The following OSBPL8 variants were observed in gnomAD, a reference collection of about 807,000 sequenced individuals.
OSBPL8 encodes the protein oxysterol-binding protein-related protein 8.
In OSBPL8, 59 loss-of-function variants were observed where a neutral mutation model predicts 125.5. That is an observed-to-expected ratio of 0.47 (90% CI 0.38 to 0.58). OSBPL8 has a LOEUF of 0.58. Ranked by LOEUF, OSBPL8 falls within the 20% of genes least tolerant of loss-of-function variation. The pLI is 0.00. For synonymous variants in OSBPL8, 330 were observed against 338.9 expected (o/e 0.97, Z 0.29); for missense variants, 758 against 1,047.8 (o/e 0.72, Z 3.82).
At chr12:76,448,171 C>T (rs138621065) in intron 4 of OSBPL8, among the ~76,000 whole-genome samples, 47 of 152,182 alleles carry the variant, frequency 3.1e-4, no homozygotes, top group African/African-American at 9.9e-4. Context: ...TAAATATTCA[C>T]GCTGTACCCT....
chr12:76,370,295 G>A (rs929461056), intron 19 of OSBPL8, among the ~76,000 whole-genome samples: 7 of 152,002 alleles, frequency 4.6e-5, no homozygotes, highest in African/African-American at 1.5e-4. Flanking sequence ...GGGGTCAGGC[G>A]CAAGTATTGA....
At chr12:76,376,935 C>T (rs1952841052) in intron 16 of OSBPL8, among the ~76,000 whole-genome samples, 1 of 152,178 alleles carries the variant, frequency 6.6e-6, no homozygotes, top group African/African-American at 2.4e-5. Context: ...TGCCCCCCAC[C>T]TCCCAATAGG....
At chr12:76,441,020 C>T (rs763046393) in intron 4 of OSBPL8, among the ~76,000 whole-genome samples, 4 of 152,126 alleles carry the variant, frequency 2.6e-5, no homozygotes, top group African/African-American at 4.8e-5. Flanking sequence ...TACTTTGCTA[C>T]GTTACTGGAA....
intron 1 of OSBPL8, among the ~76,000 whole-genome samples, chr12:76,532,054 A>C (rs1224492365): frequency 6.6e-6 from 1 of 151,466 alleles, no homozygotes; most frequent in East Asian, 1.9e-4. Context: ...AAAAAAAAAA[A>C]AAACTGACCA....
At chr12:76,465,355 T>C (rs749975925) in intron 2 of OSBPL8, among the ~76,000 whole-genome samples, 4 of 149,934 alleles carry the variant, frequency 2.7e-5, no homozygotes, top group African/African-American at 4.9e-5. Context: ...GGTCAGGAGA[T>C]TGAGACTTTC....
rs867237393 is a variant in OSBPL8 at position 76,532,236 on chromosome 12, C to G, written c.-68+27161G>C. On this transcript the variant is annotated intron_variant, in intron 1 of 23. Coordinates refer to ENST00000261183, the MANE Select transcript of OSBPL8 (RefSeq NM_020841.5). ...TCTCTGATATTCACCCCCAATTAAACTAGGTGGTATCAGAAAATGAAAAGC... is the reference window on the plus strand; with the variant it reads ...TCTCTGATATTCACCCCCAATTAAAGTAGGTGGTATCAGAAAATGAAAAGC... Among the ~76,000 whole-genome samples the G allele has an allele frequency of 1.3e-4, 19 of 151,824 alleles. No homozygotes were observed. In the Middle Eastern group the frequency reaches 0.017, roughly 137 times the overall value.
At chr12:76,428,539 A>G (rs1870431205) in intron 4 of OSBPL8, among the ~76,000 whole-genome samples, 1 of 152,166 alleles carries the variant, frequency 6.6e-6, no homozygotes, top group African/African-American at 2.4e-5. Context: ...AAAGCACTGT[A>G]AGAGTTACAC....
intron 1 of OSBPL8, among the ~76,000 whole-genome samples, chr12:76,513,652 T>C (rs1445885350): frequency 6.6e-6 from 1 of 152,096 alleles, no homozygotes; most frequent in African/African-American, 2.4e-5. Context: ...TCTTGCTCGA[T>C]TGAACCCTTT....
intron 1 of OSBPL8, among the ~76,000 whole-genome samples, chr12:76,515,990 A>G (rs1190092973): frequency 6.6e-6 from 1 of 152,188 alleles, no homozygotes; most frequent in Non-Finnish European, 1.5e-5. Context: ...TAAAAACATC[A>G]AAATATTAGC....
intron 21 of OSBPL8, among the ~76,000 whole-genome samples, chr12:76,361,710 G>T (rs543057199): frequency 7.2e-5 from 11 of 152,304 alleles, no homozygotes; most frequent in African/African-American, 2.6e-4. Context: ...CAGCAAAAGA[G>T]AATGAGAAAG....
At chr12:76,371,198 C>CT (rs199830313) in intron 19 of OSBPL8, 1,122 of 287,862 alleles carry the variant, frequency 3.9e-3, no homozygotes, top group Middle Eastern at 6.6e-3. Context: ...TTCTTTCTTT[C>CT]TTTTTTTTTA....
chr12:76,502,458 T>C (rs1008649977), intron 1 of OSBPL8, among the ~76,000 whole-genome samples: 2 of 152,004 alleles, frequency 1.3e-5, no homozygotes, highest in Admixed American at 1.3e-4. Context: ...AAGAAGGGGG[T>C]TTACTAGGCT....
intron 1 of OSBPL8, among the ~76,000 whole-genome samples, chr12:76,521,414 A>T (rs1315048689): frequency 6.6e-6 from 1 of 152,184 alleles, no homozygotes; most frequent in African/African-American, 2.4e-5. Flanking sequence ...AGATTAAAAA[A>T]CAGAATTACT....
intron 2 of OSBPL8, among the ~76,000 whole-genome samples, chr12:76,464,641 CAAAT>C (rs540203920): frequency 1.3e-5 from 2 of 152,180 alleles, no homozygotes; most frequent in Non-Finnish European, 2.9e-5. Context: ...TTCTCAGTCT[CAAAT>C]AAACCACACT....
chr12:76,441,167 C>T (rs138318003), intron 4 of OSBPL8, among the ~76,000 whole-genome samples: 1 of 152,234 alleles, frequency 6.6e-6, no homozygotes, highest in East Asian at 1.9e-4. Flanking sequence ...CTTTCTACTA[C>T]AGGACTATTT....
At chr12:76,427,382 TTA>T (rs1243272613) in intron 4 of OSBPL8, among the ~76,000 whole-genome samples, 4 of 152,006 alleles carry the variant, frequency 2.6e-5, no homozygotes, top group South Asian at 2.1e-4. Flanking sequence ...ATTTGATCAT[TTA>T]TGTTACATAA....
At chr12:76,514,502 C>A (rs1881338370) in intron 1 of OSBPL8, among the ~76,000 whole-genome samples, 1 of 152,166 alleles carries the variant, frequency 6.6e-6, no homozygotes, top group Non-Finnish European at 1.5e-5. Flanking sequence ...CCTCCTCAAT[C>A]TCTTCTGGCT....
intron 14 of OSBPL8, among the ~76,000 whole-genome samples, chr12:76,385,081 T>G (rs1953253222): frequency 6.6e-6 from 1 of 152,212 alleles, no homozygotes; most frequent in Non-Finnish European, 1.5e-5. Flanking sequence ...ACAATATATT[T>G]ACTTCTAATG....
chr12:76,363,991 T>C (rs1423917402), intron 21 of OSBPL8, among the ~76,000 whole-genome samples: 1 of 152,080 alleles, frequency 6.6e-6, no homozygotes, highest in Non-Finnish European at 1.5e-5. Context: ...TATTAAAAAG[T>C]CAGGAAACAA....
Sources: gnomAD v4.1 joint callset for allele counts (sites outside exome capture counted in the v4.1 genomes callset) on GRCh38, gnomAD v4.1.1 for gene constraint, MANE v1.5 for transcripts, NCBI Gene and HGNC (gene_info 2026-07-23, HGNC 2026-07-21) for gene names.